Variants in CRB1 observed in about 807,000 individuals in gnomAD.
CRB1 encodes crumbs cell polarity complex component 1, also known as protein crumbs homolog 1.
In CRB1, 83 loss-of-function variants were observed where a neutral mutation model predicts 120.0. That is an observed-to-expected ratio of 0.69 (90% CI 0.58 to 0.83). The LOEUF (loss-of-function observed/expected upper bound fraction) is 0.83, where lower values mean the gene tolerates loss of function less well. Ranked by LOEUF, CRB1 falls within the 40% of genes least tolerant of loss-of-function variation. CRB1 has a pLI of 0.00. For missense variants in CRB1, 1,699 were observed against 1,687.6 expected (o/e 1.01, Z -0.12); for synonymous variants, 625 against 612.5 (o/e 1.02, Z -0.30).
At chr1:197,447,223 T>G (rs4335404) in intron 11 of CRB1, among the ~76,000 whole-genome samples, 141,745 of 152,152 alleles carry the variant, frequency 0.93, 66,915 homozygotes, top group East Asian at 1. Context: ...GTGAACTCAG[T>G]GATCAAGTTC....
intron 8 of CRB1, among the ~76,000 whole-genome samples, chr1:197,431,018 A>C (rs536779599): frequency 1.2e-4 from 19 of 152,058 alleles, no homozygotes; most frequent in African/African-American, 4.3e-4. Context: ...GTAAGCTAGG[A>C]TCACACCACT....
At chr1:197,241,081 T>C in the CRB1 span, among the ~76,000 whole-genome samples, 1 of 152,220 alleles carries the variant, frequency 6.6e-6, no homozygotes, top group Non-Finnish European at 1.5e-5. Context: ...TTTAAGCTCC[T>C]TGTAGATTCT....
intron 1 of CRB1, among the ~76,000 whole-genome samples, chr1:197,322,176 A>G (rs1764788): frequency 0.69 from 105,446 of 151,988 alleles, 36,790 homozygotes; most frequent in East Asian, 0.92. Flanking sequence ...AAGTGTAAAT[A>G]TTTCATTAAT....
At chr1:197,466,434 G>A (rs1666752477) in intron 11 of CRB1, among the ~76,000 whole-genome samples, 1 of 152,264 alleles carries the variant, frequency 6.6e-6, no homozygotes, top group East Asian at 1.9e-4. Flanking sequence ...ATTACTGAGA[G>A]ACTTATTCGA....
At chr1:197,325,675 C>T (rs556382437) in intron 1 of CRB1, among the ~76,000 whole-genome samples, 5 of 152,076 alleles carry the variant, frequency 3.3e-5, no homozygotes, top group South Asian at 2.1e-4. Flanking sequence ...TCCCTAGCAG[C>T]GACTTCCCCA....
the CRB1 span, among the ~76,000 whole-genome samples, chr1:197,216,812 C>G: frequency 1.3e-5 from 2 of 152,192 alleles, 1 homozygote; most frequent in Middle Eastern, 6.8e-3. Flanking sequence ...GAGGACAGTT[C>G]CTTGTGATTT....
chr1:197,287,602 G>C (rs1655900940), intron 1 of CRB1, among the ~76,000 whole-genome samples: 1 of 151,790 alleles, frequency 6.6e-6, no homozygotes, highest in African/African-American at 2.4e-5. Context: ...GCAAGGGAGA[G>C]AGGCGCTAGG....
chr1:197,359,791 T>C (rs547465400), intron 5 of CRB1, among the ~76,000 whole-genome samples: 1 of 152,312 alleles, frequency 6.6e-6, no homozygotes, highest in South Asian at 2.1e-4. Flanking sequence ...AATAGTCATG[T>C]TGATAGGTAT....
intron 11 of CRB1, among the ~76,000 whole-genome samples, chr1:197,465,654 A>G (rs1666720891): frequency 6.6e-6 from 1 of 152,182 alleles, no homozygotes; most frequent in African/African-American, 2.4e-5. Flanking sequence ...AGACATACCA[A>G]GTCTCAAACT....
Position 197,268,499 on chromosome 1 carries a change from T to G in CRB1, c.70+17T>G. Reference sequence around the variant, plus strand: ...ACATAAAAAGTAAGCCTTTCCCACTTTGGGCATTTTTCCTGGTTTATTTCT... The same window carrying G: ...ACATAAAAAGTAAGCCTTTCCCACTGTGGGCATTTTTCCTGGTTTATTTCT... On this transcript the variant is annotated intron_variant, in intron 1 of 11. Coordinates refer to ENST00000367400, the MANE Select transcript of CRB1 (RefSeq NM_201253.3). 6.3e-7 allele frequency: 1 copy of G among 1,575,740 alleles called. No homozygotes were observed. Among genetic ancestry groups the G allele is most frequent in the African/African-American group, 1.3e-5 (1 of 74,160 alleles).
At chr1:197,331,878 A>C (rs1463746701) in intron 2 of CRB1, among the ~76,000 whole-genome samples, 1 of 152,148 alleles carries the variant, frequency 6.6e-6, no homozygotes, top group South Asian at 2.1e-4. Context: ...TTTAGGCATA[A>C]AAGATGGAAA....
chr1:197,263,520 G>C (rs137875472), upstream of CRB1, among the ~76,000 whole-genome samples: 964 of 151,984 alleles, frequency 6.3e-3, 14 homozygotes, highest in African/African-American at 0.022. Context: ...GAAGCTCTTT[G>C]GTTTAATTAG....
At chr1:197,406,337 T>C (rs6689858) in intron 5 of CRB1, among the ~76,000 whole-genome samples, 58,450 of 151,482 alleles carry the variant, frequency 0.39, 12,950 homozygotes, top group African/African-American at 0.62. Flanking sequence ...GGATTAAGGG[T>C]GGTGCAAGAT....
chr1:197,456,936 A>G (rs1210706933), intron 11 of CRB1, among the ~76,000 whole-genome samples: 7 of 152,312 alleles, frequency 4.6e-5, no homozygotes, highest in Admixed American at 3.9e-4. Context: ...TCAAAGTAAG[A>G]TAAGTATGGT....
chr1:197,477,867 G>A lies in CRB1; in HGVS notation c.4209G>A (p.Glu1403=), dbSNP rs1490587812. 6.2e-7 allele frequency: 1 copy of A among 1,613,820 alleles called. No individual in the cohort carries two copies. Among genetic ancestry groups the A allele is most frequent in the Admixed American group, 1.7e-5 (1 of 59,984 alleles). The change falls in exon 12 of 12, where the codon GAG becomes GAA. Residue 1403 remains glutamate, a synonymous_variant. Coordinates refer to ENST00000367400, the MANE Select transcript of CRB1 (RefSeq NM_201253.3). The part of the protein sequence containing the change: ...MWNLMPPPAM[E]RLI ...ACTTGATGCCACCCCCTGCAATGGA[G>A]AGACTGATTTAGGAGCATTGTGTCC...
At chr1:197,245,104 A>C in the CRB1 span, among the ~76,000 whole-genome samples, 1 of 151,798 alleles carries the variant, frequency 6.6e-6, no homozygotes, top group African/African-American at 2.4e-5. Context: ...GTACATGTGC[A>C]CAACGTGCAG....
intron 5 of CRB1, among the ~76,000 whole-genome samples, chr1:197,377,722 A>G (rs1056664481): frequency 1.3e-5 from 2 of 152,236 alleles, no homozygotes; most frequent in African/African-American, 4.8e-5. Context: ...TCAAGAATCT[A>G]AGGATTTATT....
At chr1:197,363,598 G>T (rs960049277) in intron 5 of CRB1, among the ~76,000 whole-genome samples, 1 of 152,124 alleles carries the variant, frequency 6.6e-6, no homozygotes, top group Admixed American at 6.5e-5. Flanking sequence ...TGCAGGGTTT[G>T]GGGGAAGGAA....
chr1:197,461,244 T>C (rs965358743), intron 11 of CRB1, among the ~76,000 whole-genome samples: 7 of 152,138 alleles, frequency 4.6e-5, no homozygotes, highest in African/African-American at 1.2e-4. Flanking sequence ...CATTGTGAGG[T>C]GAGCTGAAGA....
Sources: allele counts gnomAD v4.1 joint callset (sites outside exome capture counted in the v4.1 genomes callset), GRCh38; gene constraint gnomAD v4.1.1; transcripts MANE v1.5; gene names NCBI Gene and HGNC (gene_info 2026-07-23, HGNC 2026-07-21).